Variants in CSMD1 observed in about 807,000 individuals in gnomAD.
CSMD1 encodes CUB and sushi domain-containing protein 1.
In CSMD1, 213 loss-of-function variants were observed where a neutral mutation model predicts 417.5. That is an observed-to-expected ratio of 0.51 (90% CI 0.46 to 0.57). The LOEUF is 0.57. Among genes scored for constraint, CSMD1 ranks in the 20% least tolerant of loss-of-function variants. The pLI is 0.00. For missense variants in CSMD1, 6,923 were observed against 4,529.7 expected (o/e 1.53, Z -15.17); for synonymous variants, 2,862 against 1,736.8 (o/e 1.65, Z -16.11).
chr8:4,298,179 G>T (rs186179463), intron 3 of CSMD1, among the ~76,000 whole-genome samples: 5 of 152,200 alleles, frequency 3.3e-5, no homozygotes, highest in Admixed American at 2.0e-4. Context: ...TAATTTTGAG[G>T]AATCTGCCTT....
intron 1 of CSMD1, among the ~76,000 whole-genome samples, chr8:4,850,340 T>C (rs996809263): frequency 5.9e-5 from 9 of 151,816 alleles, no homozygotes; most frequent in Admixed American, 5.9e-4. Context: ...TAATGGTCTC[T>C]TTGAAGAATA....
At position 4,037,118 on chromosome 8, in the gene CSMD1, T is replaced by C. The variant is rs548098839; in HGVS notation, c.416-5019A>G. The stretch of plus-strand genomic sequence containing the variant: ...ATAATTGGATAAATTATTTTACTTG[T>C]TTTTATTAATCTTTCTTAAGTGAAT... On this transcript the variant is annotated intron_variant, in intron 3 of 69. Coordinates refer to ENST00000635120, the MANE Select transcript of CSMD1 (RefSeq NM_033225.6). 3.9e-5 allele frequency among the ~76,000 whole-genome samples: 6 copies of C among 152,358 alleles called. No homozygotes were observed. In the East Asian group the frequency reaches 9.6e-4, roughly 24 times the overall value.
chr8:3,426,485 C>T (rs1381173677), intron 12 of CSMD1, among the ~76,000 whole-genome samples: 1 of 152,060 alleles, frequency 6.6e-6, no homozygotes, highest in East Asian at 1.9e-4. Flanking sequence ...GGAGACTGTC[C>T]ACCTGCTCTT....
chr8:3,575,131 T>C lies in CSMD1; in HGVS notation c.1223-65A>G, dbSNP rs1162876049. On this transcript the variant is annotated intron_variant, in intron 9 of 69. Coordinates refer to ENST00000635120, the MANE Select transcript of CSMD1 (RefSeq NM_033225.6). ...GTGTCAGTTTGGTAAAGACATAACA[T>C]TTATGGGAAATTTCAAGTTAGCTAT... is the stretch of plus-strand genomic sequence containing the variant. 2.7e-6 allele frequency: 4 copies of C among 1,506,966 alleles called. No individual in the cohort carries two copies. In the East Asian group the frequency reaches 9.4e-5, roughly 35 times the overall value. 93.3% of individuals were successfully genotyped at this position (1,506,966 alleles called of 1,614,324 possible).
At chr8:4,236,453 T>C (rs1802069081) in intron 3 of CSMD1, among the ~76,000 whole-genome samples, 1 of 152,080 alleles carries the variant, frequency 6.6e-6, no homozygotes, top group Admixed American at 6.5e-5. Context: ...ACTGTGACAT[T>C]TAACAACAAA....
chr8:4,442,127 T>G (rs926138119), intron 2 of CSMD1, among the ~76,000 whole-genome samples: 1 of 152,150 alleles, frequency 6.6e-6, no homozygotes, highest in Non-Finnish European at 1.5e-5. Flanking sequence ...CACTCTTATC[T>G]CCTGTCCTGA....
intron 11 of CSMD1, among the ~76,000 whole-genome samples, chr8:3,473,338 G>T (rs961201834): frequency 6.6e-6 from 1 of 152,084 alleles, no homozygotes; most frequent in African/African-American, 2.4e-5. Context: ...CTATGTGACA[G>T]TTATATTTAT....
chr8:3,758,265 T>C (rs1313268736), intron 5 of CSMD1, among the ~76,000 whole-genome samples: 1 of 152,202 alleles, frequency 6.6e-6, no homozygotes, highest in Non-Finnish European at 1.5e-5. Flanking sequence ...CACTCAGCCT[T>C]GCACAGATTC....
intron 6 of CSMD1, among the ~76,000 whole-genome samples, chr8:3,723,120 G>A (rs77758283): frequency 0.016 from 2,449 of 152,240 alleles, 55 homozygotes; most frequent in African/African-American, 0.044. Context: ...TATTGGTGAA[G>A]TCCAATTCGG....
intron 3 of CSMD1, among the ~76,000 whole-genome samples, chr8:4,269,839 C>T (rs563654197): frequency 6.6e-6 from 1 of 152,278 alleles, no homozygotes; most frequent in East Asian, 1.9e-4. Flanking sequence ...GCCAATCTAT[C>T]CTTCCCCTAC....
intron 2 of CSMD1, among the ~76,000 whole-genome samples, chr8:4,542,491 A>C (rs1344829845): frequency 6.6e-6 from 1 of 152,204 alleles, no homozygotes; most frequent in Non-Finnish European, 1.5e-5. Context: ...TCAATTTTTT[A>C]AAAAAGCACA....
chr8:4,389,564 G>C (rs1287767095), intron 3 of CSMD1, among the ~76,000 whole-genome samples: 2 of 151,972 alleles, frequency 1.3e-5, no homozygotes, highest in Non-Finnish European at 2.9e-5. Context: ...TTTATCAAAA[G>C]AACAAGAGAT....
At chr8:4,166,929 T>C (rs1435075806) in intron 3 of CSMD1, among the ~76,000 whole-genome samples, 1 of 152,178 alleles carries the variant, frequency 6.6e-6, no homozygotes, top group African/African-American at 2.4e-5. Flanking sequence ...AGCAGCCAGG[T>C]GGGGTCAGTG....
At chr8:4,037,177 A>T (rs537103618) in intron 3 of CSMD1, among the ~76,000 whole-genome samples, 2 of 152,256 alleles carry the variant, frequency 1.3e-5, no homozygotes, top group Non-Finnish European at 1.5e-5. Flanking sequence ...GTTCAATATT[A>T]GAAGTGTTTT....
chr8:4,693,363 G>C (rs1171917552), intron 1 of CSMD1, among the ~76,000 whole-genome samples: 3 of 152,224 alleles, frequency 2.0e-5, no homozygotes, highest in Non-Finnish European at 4.4e-5. Flanking sequence ...TATGTGAGTA[G>C]AGTGGAGAAA....
At chr8:3,996,884 C>T (rs539391199) in intron 5 of CSMD1, among the ~76,000 whole-genome samples, 9 of 152,294 alleles carry the variant, frequency 5.9e-5, no homozygotes, top group South Asian at 4.1e-4. Flanking sequence ...TTCCAATAAT[C>T]GGTTTAAAAC....
At chr8:3,536,140 T>G (rs1798188647) in intron 10 of CSMD1, among the ~76,000 whole-genome samples, 2 of 152,206 alleles carry the variant, frequency 1.3e-5, no homozygotes, top group Admixed American at 1.3e-4. Context: ...GATATCCGGA[T>G]CATCAACTGT....
chr8:4,276,741 G>C (rs553371607), intron 3 of CSMD1, among the ~76,000 whole-genome samples: 2 of 152,268 alleles, frequency 1.3e-5, no homozygotes, highest in East Asian at 3.9e-4. Context: ...AAATGTATAT[G>C]TGTTTTGATG....
intron 6 of CSMD1, among the ~76,000 whole-genome samples, chr8:3,728,989 G>T (rs1312556465): frequency 6.6e-6 from 1 of 152,216 alleles, no homozygotes; most frequent in African/African-American, 2.4e-5. Flanking sequence ...GTGGTAGAGT[G>T]TGATGCTACT....
Sources: gnomAD v4.1 joint callset for allele counts (sites outside exome capture counted in the v4.1 genomes callset) on GRCh38, gnomAD v4.1.1 for gene constraint, MANE v1.5 for transcripts, NCBI Gene and HGNC (gene_info 2026-07-23, HGNC 2026-07-21) for gene names.